PTPRD: variants seen among roughly 807,000 people sequenced by gnomAD.
PTPRD encodes protein tyrosine phosphatase receptor type D, also known as receptor-type tyrosine-protein phosphatase delta.
PTPRD carries 34 observed loss-of-function variants against 214.5 expected under a neutral mutation model. That is an observed-to-expected ratio of 0.16 (90% CI 0.12 to 0.21). The LOEUF is 0.21. Ranked by LOEUF, PTPRD falls within the 10% of genes least tolerant of loss-of-function variation. PTPRD has a pLI of 1.00. For synonymous variants in PTPRD, 1,128 were observed against 845.7 expected, an observed-to-expected ratio of 1.33 and a Z score of -5.79; for missense variants, 2,545 against 2,398.7, an observed-to-expected ratio of 1.06 and a Z score of -1.27.
At chr9:8,661,693 G>C (rs1274273457) in intron 12 of PTPRD, among the ~76,000 whole-genome samples, 1 of 151,418 alleles carries the variant, frequency 6.6e-6, no homozygotes, top group Non-Finnish European at 1.5e-5. Flanking sequence ...GCTGAGAAAA[G>C]CAAGATAAGA....
intron 5 of PTPRD, among the ~76,000 whole-genome samples, chr9:9,876,004 T>C (rs1196594619): frequency 6.6e-6 from 1 of 152,048 alleles, no homozygotes; most frequent in Non-Finnish European, 1.5e-5. Flanking sequence ...CTGGTGAGTT[T>C]GCAGGTGCTT....
intron 36 of PTPRD, among the ~76,000 whole-genome samples, chr9:8,402,859 A>T (rs1327858012): frequency 6.6e-6 from 1 of 152,184 alleles, no homozygotes; most frequent in African/African-American, 2.4e-5. Context: ...TAATAAATTT[A>T]AATAATTGTT....
At chr9:9,401,109 A>C (rs1468560945) in intron 8 of PTPRD, among the ~76,000 whole-genome samples, 1 of 152,010 alleles carries the variant, frequency 6.6e-6, no homozygotes, top group African/African-American at 2.4e-5. Flanking sequence ...AAGCTATTTC[A>C]GTATTGACTT....
intron 10 of PTPRD, among the ~76,000 whole-genome samples, chr9:9,100,731 C>A: frequency 6.6e-6 from 1 of 152,092 alleles, no homozygotes; most frequent in East Asian, 1.9e-4. Context: ...TAGGCAGGTC[C>A]ATTTCCACCT....
chr9:9,413,035 C>A (rs986572409), intron 8 of PTPRD, among the ~76,000 whole-genome samples: 1 of 150,924 alleles, frequency 6.6e-6, no homozygotes, highest in Admixed American at 6.6e-5. Flanking sequence ...GTTGTTATTC[C>A]ATGCAGCTAT....
chr9:10,026,823 C>G (rs192957644), intron 4 of PTPRD, among the ~76,000 whole-genome samples: 3 of 150,732 alleles, frequency 2.0e-5, no homozygotes, highest in Non-Finnish European at 4.4e-5. Context: ...AAGGAAGTTG[C>G]GGTCTCACAA....
At chr9:9,123,651 T>C (rs1259392820) in intron 10 of PTPRD, among the ~76,000 whole-genome samples, 1 of 152,154 alleles carries the variant, frequency 6.6e-6, no homozygotes, top group Non-Finnish European at 1.5e-5. Context: ...TAAAAAGCAA[T>C]TATACTTTCT....
At chr9:10,160,176 G>C (rs1234533936) in intron 3 of PTPRD, among the ~76,000 whole-genome samples, 1 of 151,994 alleles carries the variant, frequency 6.6e-6, no homozygotes, top group Non-Finnish European at 1.5e-5. Context: ...ACCAAAAAAA[G>C]AGGAGGAGCA....
chr9:10,553,045 C>A (rs927614036), intron 2 of PTPRD, among the ~76,000 whole-genome samples: 1 of 152,086 alleles, frequency 6.6e-6, no homozygotes, highest in Non-Finnish European at 1.5e-5. Flanking sequence ...CAGTCTGTGC[C>A]TCCAGTTGAC....
At chr9:9,874,009 G>C (rs1318615216) in intron 5 of PTPRD, among the ~76,000 whole-genome samples, 1 of 152,086 alleles carries the variant, frequency 6.6e-6, no homozygotes, top group Non-Finnish European at 1.5e-5. Context: ...TCTTAAAGCA[G>C]ATTTTAGGAT....
intron 5 of PTPRD, among the ~76,000 whole-genome samples, chr9:9,898,546 T>G (rs1006824616): frequency 1.3e-5 from 2 of 152,090 alleles, no homozygotes; most frequent in African/African-American, 4.8e-5. Flanking sequence ...ACGCTCTAGA[T>G]GCGCATGCTA....
intron 11 of PTPRD, among the ~76,000 whole-genome samples, chr9:8,815,443 G>A (rs1449226975): frequency 6.6e-6 from 1 of 152,072 alleles, no homozygotes; most frequent in African/African-American, 2.4e-5. Context: ...GTCATTTCAG[G>A]CAACTCAGAT....
chr9:9,241,487 G>C (rs1251624045), intron 9 of PTPRD, among the ~76,000 whole-genome samples: 2 of 152,166 alleles, frequency 1.3e-5, no homozygotes, highest in African/African-American at 4.8e-5. Context: ...ACAACTTTGA[G>C]AAACTAAGGT....
chr9:9,698,166 C>T (rs776352507), intron 7 of PTPRD, among the ~76,000 whole-genome samples: 5 of 152,152 alleles, frequency 3.3e-5, no homozygotes, highest in Non-Finnish European at 4.4e-5. Flanking sequence ...TTGTACACTT[C>T]GGAAGGTCAT....
chr9:9,113,806 T>C (rs1229132424), intron 10 of PTPRD, among the ~76,000 whole-genome samples: 1 of 152,166 alleles, frequency 6.6e-6, no homozygotes, highest in Non-Finnish European at 1.5e-5. Context: ...TATTACACTT[T>C]GAAGAATTCT....
chr9:9,827,019 G>T (rs1430084532), intron 5 of PTPRD, among the ~76,000 whole-genome samples: 1 of 152,056 alleles, frequency 6.6e-6, no homozygotes, highest in Non-Finnish European at 1.5e-5. Flanking sequence ...CAAACAAATG[G>T]AAGAACATTC....
Position 9,558,589 on chromosome 9 carries a change from G to A in PTPRD, c.-237+16143C>T, listed in dbSNP as rs180728954. On this transcript the variant is annotated intron_variant, in intron 8 of 45. Coordinates refer to ENST00000381196, the MANE Select transcript of PTPRD (RefSeq NM_002839.4). ...GATACATACACAAGCAACTGAGCAC[G>A]CAGGCCTGTTACATACATAAGCGTT... Among the ~76,000 whole-genome samples, 53 of 152,250 alleles carry A rather than the reference G, an allele frequency of 3.5e-4. 1 individual carries two copies. The South Asian group carries it at 7.9e-3, about 23-fold the overall frequency.
At position 10,250,436 on chromosome 9, in the gene PTPRD, G is replaced by C. The variant is rs576394215; in HGVS notation, c.-545+90527C>G. ...AAATTTCGCAATGTCAGAAAGCCTA[G>C]AAAGTCTTTATAAAGCTTAGATTAA... On this transcript the variant is annotated intron_variant, in intron 3 of 45. Coordinates refer to ENST00000381196, the MANE Select transcript of PTPRD (RefSeq NM_002839.4). 2.0e-5 allele frequency among the ~76,000 whole-genome samples: 3 copies of C among 152,176 alleles called. No individual in the cohort carries two copies. The South Asian group carries it at 6.2e-4, about 32-fold the overall frequency.
chr9:10,408,678 T>C (rs542217291), intron 2 of PTPRD, among the ~76,000 whole-genome samples: 1 of 151,854 alleles, frequency 6.6e-6, no homozygotes, highest in East Asian at 2.0e-4. Context: ...GGCATGACTC[T>C]TCTTTGCATG....
Sources: gnomAD v4.1 joint callset for allele counts (sites outside exome capture counted in the v4.1 genomes callset) on GRCh38, gnomAD v4.1.1 for gene constraint, MANE v1.5 for transcripts, NCBI Gene and HGNC (gene_info 2026-07-23, HGNC 2026-07-21) for gene names.